The following NEK7 variants were observed in gnomAD, a reference collection of about 807,000 sequenced individuals.
The protein encoded by NEK7 is serine/threonine-protein kinase Nek7.
NEK7 carries 18 observed loss-of-function variants against 44.6 expected under a neutral mutation model. That is an observed-to-expected ratio of 0.40 (90% CI 0.28 to 0.60). The LOEUF (loss-of-function observed/expected upper bound fraction) is 0.60, where lower values mean the gene tolerates loss of function less well. Ranked by LOEUF, NEK7 falls within the 20% of genes least tolerant of loss-of-function variation. The pLI is 0.38. For synonymous variants in NEK7, 130 were observed against 121.1 expected, an observed-to-expected ratio of 1.07 and a Z score of -0.48; for missense variants, 256 against 366.5, an observed-to-expected ratio of 0.70 and a Z score of 2.46.
At chr1:198,232,663 A>G (rs1349121858) in intron 2 of NEK7, 26 bp downstream of exon 2, 5 of 1,359,096 alleles carry the variant, frequency 3.7e-6, no homozygotes, top group Non-Finnish European at 5.3e-6. Context: ...TAAGATGGGC[A>G]GAACTATATA....
intron 1 of NEK7, among the ~76,000 whole-genome samples, chr1:198,231,304 T>TATATATATATAG: frequency 2.4e-5 from 1 of 42,082 alleles, no homozygotes; most frequent in African/African-American, 8.8e-5. Flanking sequence ...TGTGTGTGTA[T>TATATATATATAG]ATATATATAT....
intron 3 of NEK7, among the ~76,000 whole-genome samples, chr1:198,258,198 T>G (rs1653339524): frequency 6.6e-6 from 1 of 152,152 alleles, no homozygotes; most frequent in Admixed American, 6.5e-5. Flanking sequence ...CCCAGCATTT[T>G]GGGAGGCTGA....
intron 9 of NEK7, among the ~76,000 whole-genome samples, chr1:198,301,990 A>T (rs1295422338): frequency 1.3e-5 from 2 of 152,214 alleles, no homozygotes; most frequent in East Asian, 3.8e-4. Flanking sequence ...AGTAAGTCTG[A>T]TTAACGCTTT....
Position 198,300,576 on chromosome 1 carries a change from G to A in NEK7, c.798+3336G>A, listed in dbSNP as rs1440147887. Among the ~76,000 whole-genome samples the A allele has an allele frequency of 5.3e-5, 8 of 152,202 alleles. No individual in the cohort carries two copies. The East Asian group carries it at 1.5e-3, about 29-fold the overall frequency. On this transcript the variant is annotated intron_variant, in intron 9 of 9. Transcript: ENST00000367385. ...CATAGCCTCCTCCCTTGGCAGTTAC[G>A]CCATGTTGTAGTAGCTTCCTTGCAT...
intron 2 of NEK7, among the ~76,000 whole-genome samples, chr1:198,237,299 T>G (rs1666565872): frequency 6.6e-6 from 1 of 152,182 alleles, no homozygotes; most frequent in Non-Finnish European, 1.5e-5. Flanking sequence ...TGCTGGTGAC[T>G]CTTTGTATCT....
At chr1:198,162,800 T>C (rs1664148151) in intron 1 of NEK7, among the ~76,000 whole-genome samples, 1 of 152,100 alleles carries the variant, frequency 6.6e-6, no homozygotes. Flanking sequence ...TTAGTTTTTA[T>C]GACTTTCTTT....
At chr1:198,265,681 T>C (rs1486656790) in intron 5 of NEK7, among the ~76,000 whole-genome samples, 2 of 152,148 alleles carry the variant, frequency 1.3e-5, no homozygotes, top group Non-Finnish European at 2.9e-5. Context: ...TCCTAGATTG[T>C]CACTAGAGGT....
intron 1 of NEK7, among the ~76,000 whole-genome samples, chr1:198,210,657 A>G (rs10801651): frequency 0.34 from 50,486 of 150,598 alleles, 9,700 homozygotes; most frequent in East Asian, 0.8. Flanking sequence ...ACCTATGTAA[A>G]CATTATATAT....
chr1:198,295,261 T>C (rs1160244685), intron 8 of NEK7, among the ~76,000 whole-genome samples: 1 of 152,150 alleles, frequency 6.6e-6, no homozygotes, highest in East Asian at 1.9e-4. Flanking sequence ...GGGTTGTAGG[T>C]TGGTGGCTTA....
intron 9 of NEK7, among the ~76,000 whole-genome samples, chr1:198,299,236 C>T (rs906964680): frequency 1.3e-5 from 2 of 152,054 alleles, no homozygotes; most frequent in African/African-American, 2.4e-5. Context: ...TAAAAATATG[C>T]GGACTGTATA....
chr1:198,183,207 C>T (rs1319963248), intron 1 of NEK7, among the ~76,000 whole-genome samples: 1 of 152,120 alleles, frequency 6.6e-6, no homozygotes, highest in Non-Finnish European at 1.5e-5. Context: ...ACATTGGTAG[C>T]CTGAAACTTC....
intron 1 of NEK7, among the ~76,000 whole-genome samples, chr1:198,218,422 A>C (rs1414114282): frequency 1.3e-5 from 2 of 152,030 alleles, no homozygotes; most frequent in Admixed American, 1.3e-4. Context: ...AAGTTAACTC[A>C]AAATGGATTA....
At chr1:198,178,433 A>G (rs1429656857) in intron 1 of NEK7, among the ~76,000 whole-genome samples, 3 of 152,066 alleles carry the variant, frequency 2.0e-5, no homozygotes, top group Non-Finnish European at 2.9e-5. Context: ...CCAAAGGATG[A>G]TATGTTGGTC....
chr1:198,178,734 A>G (rs1254115521), intron 1 of NEK7, among the ~76,000 whole-genome samples: 2 of 151,362 alleles, frequency 1.3e-5, no homozygotes, highest in Admixed American at 6.6e-5. Flanking sequence ...CAGATTAACA[A>G]CTCCTGGAAT....
intron 9 of NEK7, among the ~76,000 whole-genome samples, chr1:198,313,775 C>T (rs1655264150): frequency 6.8e-6 from 1 of 146,946 alleles, no homozygotes; most frequent in East Asian, 2.1e-4. Flanking sequence ...GCCCCACTCT[C>T]TTCTGGCTTG....
At position 198,174,381 on chromosome 1, in the gene NEK7, A is replaced by G. The variant is rs1203459246; in HGVS notation, c.-29+17105A>G. 4.0e-5 allele frequency among the ~76,000 whole-genome samples: 6 copies of G among 151,324 alleles called. No individual in the cohort carries two copies. The East Asian group carries it at 1.2e-3, about 29-fold the overall frequency. On this transcript the variant is annotated intron_variant, in intron 1 of 9. Transcript: ENST00000367385. ...ACGTTTATGCTTGGTAAAAAAAAAA[A>G]TCTCAAAGGTACAAGTATTATGCTT...
At chr1:198,196,964 C>T (rs1665256526) in intron 1 of NEK7, among the ~76,000 whole-genome samples, 1 of 152,126 alleles carries the variant, frequency 6.6e-6, no homozygotes, top group Non-Finnish European at 1.5e-5. Flanking sequence ...GTAATAGAAC[C>T]ACTGGGGGTG....
chr1:198,306,840 G>A (rs1296466954), intron 9 of NEK7, among the ~76,000 whole-genome samples: 3 of 152,072 alleles, frequency 2.0e-5, no homozygotes, highest in Admixed American at 1.3e-4. Flanking sequence ...CCCCACTAGA[G>A]TAACAGGTCT....
At chr1:198,317,800 A>G (rs1655411896) in intron 9 of NEK7, among the ~76,000 whole-genome samples, 2 of 148,926 alleles carry the variant, frequency 1.3e-5, no homozygotes, top group Non-Finnish European at 3.0e-5. Context: ...ATTAGAACAC[A>G]TTATCTTTTA....
Sources: allele counts gnomAD v4.1 joint callset (sites outside exome capture counted in the v4.1 genomes callset), GRCh38; gene constraint gnomAD v4.1.1; transcripts MANE v1.5; gene names NCBI Gene and HGNC (gene_info 2026-07-23, HGNC 2026-07-21).